The following COMMD10 variants were observed in gnomAD, a reference collection of about 807,000 sequenced individuals.
COMMD10 encodes the protein COMM domain-containing protein 10.
Under a neutral mutation model 28.9 loss-of-function variants are expected in COMMD10, and 33 were observed. The ratio of observed to expected loss-of-function variants is 1.14; its 90% CI spans 0.87 to 1.53. The LOEUF is 1.53. Among genes scored for constraint, COMMD10 ranks in the 40% most tolerant of loss-of-function variants. COMMD10 has a pLI of 0.00. For synonymous variants in COMMD10, 110 were observed against 81.7 expected, an observed-to-expected ratio of 1.35 and a Z score of -1.87; for missense variants, 310 against 233.4, an observed-to-expected ratio of 1.33 and a Z score of -2.14.
intron 5 of COMMD10, among the ~76,000 whole-genome samples, chr5:116,223,435 A>G (rs1382284775): frequency 6.6e-6 from 1 of 152,172 alleles, no homozygotes; most frequent in African/African-American, 2.4e-5. Context: ...TCAGCTCCAA[A>G]TTAGGTACTA....
At chr5:116,235,040 G>A (rs980450056) in intron 5 of COMMD10, among the ~76,000 whole-genome samples, 2 of 152,256 alleles carry the variant, frequency 1.3e-5, no homozygotes, top group African/African-American at 4.8e-5. Flanking sequence ...GTTTGTAAAA[G>A]GACATAAAAA....
intron 5 of COMMD10, among the ~76,000 whole-genome samples, chr5:116,175,446 A>G (rs1265754179): frequency 1.3e-5 from 2 of 152,182 alleles, no homozygotes; most frequent in Admixed American, 6.6e-5. Flanking sequence ...GTAAAATTGT[A>G]TAGCCACTCT....
intron 5 of COMMD10, among the ~76,000 whole-genome samples, chr5:116,289,155 T>C (rs1751298234): frequency 6.6e-6 from 1 of 151,786 alleles, no homozygotes; most frequent in East Asian, 1.9e-4. Context: ...GTACTGGGAT[T>C]ACAGATTTGA....
intron 5 of COMMD10, among the ~76,000 whole-genome samples, chr5:116,288,682 T>C (rs1204447588): frequency 6.6e-6 from 1 of 151,708 alleles, no homozygotes; most frequent in Non-Finnish European, 1.5e-5. Flanking sequence ...TGTCTGCAAG[T>C]TCACTGATTC....
At chr5:116,091,907 A>T (rs1275642169) in intron 3 of COMMD10, among the ~76,000 whole-genome samples, 1 of 152,236 alleles carries the variant, frequency 6.6e-6, no homozygotes, top group Non-Finnish European at 1.5e-5. Flanking sequence ...TTTAATGAAC[A>T]TATTAGGAGG....
At chr5:116,141,270 T>C (rs914685961) in intron 5 of COMMD10, among the ~76,000 whole-genome samples, 2 of 151,940 alleles carry the variant, frequency 1.3e-5, no homozygotes. Flanking sequence ...CTCTATAGTA[T>C]TCCTTTTGTC....
At chr5:116,240,548 G>T (rs893622787) in intron 5 of COMMD10, among the ~76,000 whole-genome samples, 2 of 152,156 alleles carry the variant, frequency 1.3e-5, no homozygotes, top group African/African-American at 2.4e-5. Context: ...GCCTTATGCA[G>T]CTGGTAGGAG....
intron 4 of COMMD10, among the ~76,000 whole-genome samples, chr5:116,125,562 C>A (rs374718112): frequency 2.6e-5 from 4 of 151,972 alleles, no homozygotes; most frequent in African/African-American, 9.7e-5. Flanking sequence ...ATCTTTGTGG[C>A]GTTCTCTGTA....
At chr5:116,105,382 G>A (rs923813257) in intron 4 of COMMD10, among the ~76,000 whole-genome samples, 1 of 152,134 alleles carries the variant, frequency 6.6e-6, no homozygotes, top group African/African-American at 2.4e-5. Context: ...GAGGATTTTT[G>A]CATTGATGTT....
intron 5 of COMMD10, among the ~76,000 whole-genome samples, chr5:116,265,099 C>T (rs1462175993): frequency 6.6e-6 from 1 of 151,762 alleles, no homozygotes; most frequent in East Asian, 1.9e-4. Context: ...CAAAATAACA[C>T]AATTTTGCAT....
intron 5 of COMMD10, among the ~76,000 whole-genome samples, chr5:116,237,537 C>T (rs1057208979): frequency 9.9e-5 from 15 of 151,890 alleles, no homozygotes; most frequent in Non-Finnish European, 1.5e-4. Context: ...TTGCCAAGCG[C>T]AATGGCACAT....
At chr5:116,136,021 C>G (rs1387041261) in intron 5 of COMMD10, among the ~76,000 whole-genome samples, 1 of 152,140 alleles carries the variant, frequency 6.6e-6, no homozygotes, top group East Asian at 1.9e-4. Context: ...ACAGCGTGTG[C>G]TCAATAAATG....
chr5:116,098,517 A>G (rs1370024302), intron 4 of COMMD10, among the ~76,000 whole-genome samples: 1 of 152,240 alleles, frequency 6.6e-6, no homozygotes, highest in Non-Finnish European at 1.5e-5. Flanking sequence ...TGTGCTGAGT[A>G]CTATGTTAAA....
intron 5 of COMMD10, among the ~76,000 whole-genome samples, chr5:116,264,106 A>G (rs1750520512): frequency 6.6e-6 from 1 of 151,788 alleles, no homozygotes; most frequent in Non-Finnish European, 1.5e-5. Flanking sequence ...TAACTAAAGG[A>G]GTGGCCCCTA....
At chr5:116,201,281 C>G (rs1748660201) in intron 5 of COMMD10, among the ~76,000 whole-genome samples, 1 of 152,116 alleles carries the variant, frequency 6.6e-6, no homozygotes, top group African/African-American at 2.4e-5. Flanking sequence ...CTTTCCTTTG[C>G]TGGAAGCATG....
chr5:116,163,557 C>T (rs933714039), intron 5 of COMMD10, among the ~76,000 whole-genome samples: 3 of 151,758 alleles, frequency 2.0e-5, no homozygotes, highest in Admixed American at 2.0e-4. Context: ...CCATCGCGCT[C>T]CAGCCTGGGC....
chr5:116,171,265 A>G (rs1202077153), intron 5 of COMMD10, among the ~76,000 whole-genome samples: 1 of 152,230 alleles, frequency 6.6e-6, no homozygotes, highest in African/African-American at 2.4e-5. Flanking sequence ...ATGCAAATCA[A>G]CATCACAATG....
chr5:116,139,001 T>C (rs557033788), intron 5 of COMMD10, among the ~76,000 whole-genome samples: 1 of 151,884 alleles, frequency 6.6e-6, no homozygotes, highest in African/African-American at 2.4e-5. Context: ...AATATTCCCA[T>C]GTTATACAGA....
intron 4 of COMMD10, among the ~76,000 whole-genome samples, chr5:116,128,891 CGTT>C (rs1468445808): frequency 6.6e-6 from 1 of 151,662 alleles, no homozygotes; most frequent in African/African-American, 2.4e-5. Context: ...GTGTAAGTGA[CGTT>C]GTGACTTTTG....
Sources: allele counts gnomAD v4.1 joint callset (sites outside exome capture counted in the v4.1 genomes callset), GRCh38; gene constraint gnomAD v4.1.1; transcripts MANE v1.5; gene names NCBI Gene and HGNC (gene_info 2026-07-23, HGNC 2026-07-21).